The following LMF1 variants were observed in gnomAD, a reference collection of about 807,000 sequenced individuals.
LMF1 encodes the protein transmembrane protein 112.
Under a neutral mutation model 60.6 loss-of-function variants are expected in LMF1, and 68 were observed. That is an observed-to-expected ratio of 1.12 (90% CI 0.92 to 1.37). LMF1 has a LOEUF of 1.37. Ranked by LOEUF, LMF1 falls within the 40% of genes most tolerant of loss-of-function variation. The pLI is 0.00. For synonymous variants in LMF1, 418 were observed against 324.7 expected, an observed-to-expected ratio of 1.29 and a Z score of -3.09; for missense variants, 948 against 767.2, an observed-to-expected ratio of 1.24 and a Z score of -2.78.
chr16:892,079 C>T (rs979951395), intron 5 of LMF1, among the ~76,000 whole-genome samples: 8 of 152,198 alleles, frequency 5.3e-5, no homozygotes, highest in East Asian at 3.9e-4. Context: ...TGTGCCAGGC[C>T]GGCACGTGGA....
intron 4 of LMF1, among the ~76,000 whole-genome samples, chr16:907,465 G>A (rs1005347245): frequency 2.0e-5 from 3 of 151,992 alleles, no homozygotes; most frequent in Non-Finnish European, 2.9e-5. Context: ...TGCAGCTGAC[G>A]TCCAGCTCCG....
chr16:917,626 T>C (rs1169337877), intron 3 of LMF1, among the ~76,000 whole-genome samples: 1 of 152,182 alleles, frequency 6.6e-6, no homozygotes, highest in South Asian at 2.1e-4. Context: ...TCCGGCTCAC[T>C]GGAGATGACC....
chr16:864,975 G>A (rs1453171147), intron 10 of LMF1, among the ~76,000 whole-genome samples: 3 of 152,018 alleles, frequency 2.0e-5, no homozygotes, highest in African/African-American at 4.8e-5. Context: ...ATATACAGTC[G>A]GTCATTTTAC....
intron 5 of LMF1, among the ~76,000 whole-genome samples, chr16:889,389 C>CAT (rs2070411307): frequency 6.7e-6 from 1 of 148,854 alleles, no homozygotes; most frequent in Non-Finnish European, 1.5e-5. Context: ...TGCGGATGGC[C>CAT]GTGGGTGTGA....
chr16:874,434 C>T lies in LMF1; in HGVS notation c.898-3093G>A, dbSNP rs376389128. Among the ~76,000 whole-genome samples the T allele has an allele frequency of 1.5e-4, 23 of 152,334 alleles. No individual in the cohort carries two copies. Among genetic ancestry groups the T allele is most frequent in the African/African-American group, 4.8e-4 (20 of 41,572 alleles). On this transcript the variant is annotated intron_variant, in intron 6 of 10. Transcript: ENST00000262301. This position sits in a 1 kb window ranked among gnomAD's most constrained non-coding sequence, Gnocchi z 4.1. ...ACCTGAGCTCACCCCCTGCCCCTCCCGCCCTGGCAGTCCGGGGCTGCGTCT... is the reference window on the plus strand; with the variant it reads ...ACCTGAGCTCACCCCCTGCCCCTCCTGCCCTGGCAGTCCGGGGCTGCGTCT...
intron 4 of LMF1, among the ~76,000 whole-genome samples, chr16:895,906 G>A (rs1263838026): frequency 8.4e-6 from 1 of 118,390 alleles, no homozygotes; most frequent in Non-Finnish European, 1.8e-5. Context: ...CCACAGACAC[G>A]CCTCGGAGGG....
chr16:884,812 A>T (rs1172343142), intron 5 of LMF1: 3 of 145,950 alleles, frequency 2.1e-5, no homozygotes, highest in Non-Finnish European at 4.5e-5. Flanking sequence ...ATGATCACGG[A>T]TGGAAGCCTG....
At chr16:973,502 G>A (rs891793637), upstream of LMF1, among the ~76,000 whole-genome samples, 4 of 152,324 alleles carry the variant, frequency 2.6e-5, no homozygotes, top group Admixed American at 6.5e-5. Context: ...GCAAAGCCAC[G>A]GGGAAAGGAG....
intron 10 of LMF1, chr16:854,938 G>T: frequency 1.7e-6 from 1 of 588,880 alleles, no homozygotes; most frequent in Non-Finnish European, 3.0e-6. Flanking sequence ...AGGGCGGACG[G>T]GGGGCAGCTC....
At chr16:909,830 G>A (rs2071061881) in intron 4 of LMF1, among the ~76,000 whole-genome samples, 1 of 152,256 alleles carries the variant, frequency 6.6e-6, no homozygotes. Flanking sequence ...GCCAGGGAGA[G>A]AAGAGGAACG....
chr16:891,030 A>G (rs1445971179), intron 5 of LMF1, among the ~76,000 whole-genome samples: 2 of 152,212 alleles, frequency 1.3e-5, no homozygotes, highest in African/African-American at 4.8e-5. Context: ...AGCACAGCAG[A>G]GAGCTCTGGT....
intron 2 of LMF1, 127 bp downstream of exon 2, chr16:954,230 A>G (rs756479748): frequency 9.4e-5 from 97 of 1,031,314 alleles, no homozygotes; most frequent in Admixed American, 6.0e-4. Context: ...AAGTAAAATG[A>G]CAATACCCTC....
At chr16:924,155 G>C (rs778199428) in intron 3 of LMF1, among the ~76,000 whole-genome samples, 3 of 152,198 alleles carry the variant, frequency 2.0e-5, no homozygotes, top group African/African-American at 7.2e-5. Context: ...ATGATGATGA[G>C]AAGAACATTA....
In LMF1 at chr16:891,069, AG is replaced by A. The variant is rs541792313; in HGVS notation, c.729+1937del. On this transcript the variant is annotated intron_variant, in intron 5 of 10. Transcript: ENST00000262301. ...GGGCAGTCCTGGGCCTTTAAGGCAC[AG>A]GAAGAACTGGGTGCTCATGGGGGCG... Among the ~76,000 whole-genome samples the A allele has an allele frequency of 7.0e-4, 107 of 152,346 alleles. No homozygotes were observed. The East Asian group carries it at 8.5e-3, about 12-fold the overall frequency.
chr16:926,465 CGT>C (rs1174599773), intron 3 of LMF1, among the ~76,000 whole-genome samples: 4 of 152,014 alleles, frequency 2.6e-5, no homozygotes, highest in African/African-American at 7.2e-5. Flanking sequence ...GATCTGCATA[CGT>C]GTGTCTGTGT....
At position 954,649 on chromosome 16, in the gene LMF1, C is replaced by A; in HGVS notation, c.211G>T (p.Ala71Ser). The A allele has an allele frequency of 7.5e-6, 12 of 1,597,888 alleles. No homozygotes were observed. Among genetic ancestry groups the A allele is most frequent in the Non-Finnish European group, 8.5e-6 (10 of 1,170,060 alleles). The change falls in exon 2 of 11, where the codon GCT becomes TCT. Residue 71 changes from alanine (A) to serine (S), a missense_variant. Coordinates refer to ENST00000262301, the MANE Select transcript of LMF1 (RefSeq NM_022773.4). Reference sequence around the variant, plus strand: ...ATGAGCTGCTTGTTCTGATGGAAAGCCACCAGGAATGCCACGACTGGAAGA... The same window carrying A: ...ATGAGCTGCTTGTTCTGATGGAAAGACACCAGGAATGCCACGACTGGAAGA... ...AFVYFVAFLV[A>S]FHQNKQLIGD...
intron 9 of LMF1, 107 bp downstream of exon 9, chr16:869,776 C>T (rs532625029): frequency 7.3e-5 from 86 of 1,173,842 alleles, no homozygotes; most frequent in Non-Finnish European, 2.2e-5. Context: ...CTCCCAGCCT[C>T]CCTCCCCACC....
intron 5 of LMF1, among the ~76,000 whole-genome samples, chr16:882,125 C>T (rs143863721): frequency 3.9e-5 from 6 of 152,318 alleles, no homozygotes; most frequent in East Asian, 1.9e-4. Flanking sequence ...CCTTTGTGGA[C>T]GTGGAACCCC....
upstream of LMF1, among the ~76,000 whole-genome samples, chr16:974,492 C>T (rs950833806): frequency 7.9e-5 from 12 of 152,172 alleles, no homozygotes; most frequent in East Asian, 3.9e-4. Flanking sequence ...CAGGGCTGCC[C>T]GGTGCTGGGG....
Sources: gnomAD v4.1 joint callset for allele counts (sites outside exome capture counted in the v4.1 genomes callset) on GRCh38, gnomAD v4.1.1 for gene constraint, Gnocchi (gnomAD v3.1) non-coding constraint, MANE v1.5 for transcripts, NCBI Gene and HGNC (gene_info 2026-07-23, HGNC 2026-07-21) for gene names.